Variants in GLIPR1L1 observed in about 807,000 individuals in gnomAD.
GLIPR1L1 encodes the protein GLIPR1 like 1, also known as GLIPR1-like protein 1.
A neutral mutation model predicts 29.9 loss-of-function variants in GLIPR1L1; 26 were observed. The ratio of observed to expected loss-of-function variants is 0.87; its 90% confidence interval spans 0.64 to 1.21. GLIPR1L1 has a LOEUF of 1.21. Among genes scored for constraint, GLIPR1L1 ranks in the 50% most tolerant of loss-of-function variants. The pLI, the probability that GLIPR1L1 is intolerant of heterozygous loss-of-function variation, is 0.00. For missense variants in GLIPR1L1, 305 were observed against 290.3 expected, an observed-to-expected ratio of 1.05 and a Z score of -0.37; for synonymous variants, 77 against 97.5, an observed-to-expected ratio of 0.79 and a Z score of 1.24.
intron 3 of GLIPR1L1, 94 bp from the exon 4 acceptor site, chr12:75,363,008 C>G (rs1375322008): frequency 1.7e-6 from 1 of 578,746 alleles, no homozygotes; most frequent in Non-Finnish European, 3.1e-6. Context: ...ACATTTATGA[C>G]TTAATAAATG....
At chr12:75,339,475 T>C (rs1448610909) in intron 1 of GLIPR1L1, among the ~76,000 whole-genome samples, 1 of 152,190 alleles carries the variant, frequency 6.6e-6, no homozygotes, top group Non-Finnish European at 1.5e-5. Context: ...AATCTCCTTA[T>C]AGACTCTGGA....
chr12:75,358,392 A>G (rs962258047), intron 3 of GLIPR1L1, among the ~76,000 whole-genome samples: 10 of 151,820 alleles, frequency 6.6e-5, no homozygotes, highest in Admixed American at 5.9e-4. Flanking sequence ...TAAGAGGGGT[A>G]TATTCCAGGA....
chr12:75,357,834 G>T (rs1440398902), intron 3 of GLIPR1L1, among the ~76,000 whole-genome samples: 1 of 151,482 alleles, frequency 6.6e-6, no homozygotes, highest in Non-Finnish European at 1.5e-5. Flanking sequence ...GAACATACGG[G>T]ATGCTATTAA....
chr12:75,356,207 G>T (rs754099373), intron 3 of GLIPR1L1, among the ~76,000 whole-genome samples: 1 of 151,962 alleles, frequency 6.6e-6, no homozygotes, highest in East Asian at 1.9e-4. Flanking sequence ...TGGACATAAT[G>T]CAAAAGAAGC....
chr12:75,352,567 C>A (rs1167118427), intron 3 of GLIPR1L1, among the ~76,000 whole-genome samples: 1 of 152,164 alleles, frequency 6.6e-6, no homozygotes, highest in Non-Finnish European at 1.5e-5. Flanking sequence ...GATTTTAACA[C>A]CCCACTGTCA....
At chr12:75,355,359 A>C (rs1277226752) in intron 3 of GLIPR1L1, among the ~76,000 whole-genome samples, 1 of 152,222 alleles carries the variant, frequency 6.6e-6, no homozygotes, top group Non-Finnish European at 1.5e-5. Context: ...CAGCCAACGA[A>C]CTATAAAACA....
intron 3 of GLIPR1L1, among the ~76,000 whole-genome samples, chr12:75,350,905 T>A (rs2042766169): frequency 1.3e-5 from 2 of 152,114 alleles, no homozygotes. Flanking sequence ...TTCACTGAGC[T>A]AAAGGAGTAT....
intron 3 of GLIPR1L1, 55 bp downstream of exon 3, chr12:75,347,777 G>T (rs1411176945): frequency 8.3e-7 from 1 of 1,201,242 alleles, no homozygotes; most frequent in Middle Eastern, 2.0e-4. Context: ...GATGATGGTT[G>T]CCAAATAAGA....
intron 4 of GLIPR1L1, among the ~76,000 whole-genome samples, chr12:75,363,820 C>T (rs768707537): frequency 6.6e-6 from 1 of 152,086 alleles, no homozygotes; most frequent in Non-Finnish European, 1.5e-5. Flanking sequence ...GGTCAGCCTA[C>T]AACTTGTTTT....
chr12:75,370,090 C>A lies in GLIPR1L1; in HGVS notation c.643C>A (p.Pro215Thr). 6.3e-7 allele frequency: 1 copy of A among 1,595,670 alleles called. No individual in the cohort carries two copies. The highest frequency in any genetic ancestry group is 2.2e-5 in the East Asian group (1 of 44,702). The change falls in exon 6 of 6, where the codon CCA becomes ACA. Residue 215 changes from proline (P) to threonine (T), a missense_variant. Transcript: ENST00000378695. ...TPQLIIPNQN[P>T]FLKPTGRAPQ... ...TTTGTTTTTGTTTTTGACAGAAAAT[C>A]CATTTCTGAAGCCAACGGGGAGAGC...
chr12:75,344,228 T>C, intron 2 of GLIPR1L1, among the ~76,000 whole-genome samples: 1 of 152,058 alleles, frequency 6.6e-6, no homozygotes, highest in Non-Finnish European at 1.5e-5. Flanking sequence ...CTCTCTTCCC[T>C]TCCCTGGAAG....
At chr12:75,345,470 CCTT>C (rs2042387169) in intron 2 of GLIPR1L1, among the ~76,000 whole-genome samples, 1 of 152,092 alleles carries the variant, frequency 6.6e-6, no homozygotes, top group South Asian at 2.1e-4. Flanking sequence ...AAAGAGCTAA[CCTT>C]CTTCTCTAGA....
chr12:75,368,519 G>T (rs1039960647), intron 4 of GLIPR1L1, among the ~76,000 whole-genome samples: 1 of 150,506 alleles, frequency 6.6e-6, no homozygotes, highest in South Asian at 2.1e-4. Flanking sequence ...ACAATATTAC[G>T]TTATTCTTTC....
chr12:75,346,086 T>C (rs2042426721), intron 2 of GLIPR1L1, among the ~76,000 whole-genome samples: 2 of 152,198 alleles, frequency 1.3e-5, no homozygotes, highest in Admixed American at 1.3e-4. Flanking sequence ...TCTAGTTTCT[T>C]TAATGAAAGC....
intron 2 of GLIPR1L1, among the ~76,000 whole-genome samples, chr12:75,344,537 T>A (rs369690495): frequency 6.6e-6 from 1 of 152,114 alleles, no homozygotes; most frequent in East Asian, 1.9e-4. Flanking sequence ...TTTAAGCATA[T>A]GAGATAGAGT....
chr12:75,340,209 G>C (rs1181056231), intron 1 of GLIPR1L1, among the ~76,000 whole-genome samples: 1 of 150,640 alleles, frequency 6.6e-6, no homozygotes, highest in African/African-American at 2.4e-5. Context: ...TTGGTTGATG[G>C]GCATTTAGAC....
intron 4 of GLIPR1L1, among the ~76,000 whole-genome samples, chr12:75,368,761 T>TAAG (rs1179772251): frequency 6.6e-6 from 1 of 151,996 alleles, no homozygotes; most frequent in Non-Finnish European, 1.5e-5. Flanking sequence ...ACAGTGTGTA[T>TAAG]AAGATTCTGA....
chr12:75,369,448 A>G (rs1181220199), intron 4 of GLIPR1L1: 7 of 886,766 alleles, frequency 7.9e-6, no homozygotes, highest in African/African-American at 1.8e-5. Flanking sequence ...AGAAGGTCAA[A>G]AAAATTAATT....
At chr12:75,354,889 C>G (rs924044919) in intron 3 of GLIPR1L1, among the ~76,000 whole-genome samples, 1 of 152,112 alleles carries the variant, frequency 6.6e-6, no homozygotes, top group Admixed American at 6.5e-5. Flanking sequence ...AAAGGACTCC[C>G]TATTTAATAG....
Sources: allele counts gnomAD v4.1 joint callset (sites outside exome capture counted in the v4.1 genomes callset), GRCh38; gene constraint gnomAD v4.1.1; transcripts MANE v1.5; gene names NCBI Gene and HGNC (gene_info 2026-07-23, HGNC 2026-07-21).